CASR: variants seen among roughly 807,000 people sequenced by gnomAD.
The protein encoded by CASR is calcium sensing receptor, also known as extracellular calcium-sensing receptor.
A neutral mutation model predicts 69.1 loss-of-function variants in CASR; 23 were observed. That is an observed-to-expected ratio of 0.33 (90% CI 0.24 to 0.47). The LOEUF is 0.47. Among genes scored for constraint, CASR ranks in the 20% least tolerant of loss-of-function variants. The pLI, the probability that CASR is intolerant of heterozygous loss-of-function variation, is 1.00. For synonymous variants in CASR, 541 were observed against 544.7 expected (o/e 0.99, Z 0.10); for missense variants, 924 against 1,356.1 (o/e 0.68, Z 5.00).
At chr3:122,245,005 A>G (rs942190199) in intron 1 of CASR, among the ~76,000 whole-genome samples, 13 of 152,164 alleles carry the variant, frequency 8.5e-5, no homozygotes, top group African/African-American at 3.1e-4. Context: ...CTGGTTTAAA[A>G]GTAATGTACT....
intron 1 of CASR, among the ~76,000 whole-genome samples, chr3:122,200,811 C>T (rs2073940977): frequency 6.6e-6 from 1 of 152,014 alleles, no homozygotes; most frequent in Non-Finnish European, 1.5e-5. Context: ...TGATTTTACC[C>T]ATTTAAACTT....
intron 1 of CASR, among the ~76,000 whole-genome samples, chr3:122,215,326 C>T (rs769398577): frequency 7.9e-5 from 12 of 152,202 alleles, no homozygotes; most frequent in African/African-American, 2.2e-4. Flanking sequence ...GATGCTTCCA[C>T]GTCGCTCAAG....
At position 122,261,825 on chromosome 3, in the gene CASR, GC is replaced by G; in HGVS notation, c.792del (p.Val266SerfsTer39). On this transcript the variant is annotated frameshift_variant, in exon 4 of 7. Coordinates refer to ENST00000639785, the MANE Select transcript of CASR (RefSeq NM_000388.4). LOFTEE classifies it high-confidence loss of function. ...HVVEVIQNSTAKVIVVFSSGP... is the reference protein window; with the variant it reads ...HVVEVIQNSTXKVIVVFSSGP... ...GGTAGAGGTGATTCAAAATTCCACG[GC>G]CAAAGTCATCGTGGTTTTCTCCAGT... The G allele has an allele frequency of 6.2e-7, 1 of 1,614,210 alleles. No homozygotes were observed. Among genetic ancestry groups the G allele is most frequent in the South Asian group, 1.1e-5 (1 of 91,084 alleles).
chr3:122,204,241 A>G (rs1477064820), intron 1 of CASR, among the ~76,000 whole-genome samples: 1 of 152,040 alleles, frequency 6.6e-6, no homozygotes, highest in African/African-American at 2.4e-5. Context: ...AGTTCTCTTC[A>G]TCCCCCAAGC....
chr3:122,211,247 T>C (rs962165490), intron 1 of CASR, among the ~76,000 whole-genome samples: 1 of 152,126 alleles, frequency 6.6e-6, no homozygotes, highest in Non-Finnish European at 1.5e-5. Context: ...TGGGATCTAA[T>C]TAAACTAAAG....
intron 1 of CASR, among the ~76,000 whole-genome samples, chr3:122,216,248 T>C (rs2074116636): frequency 6.6e-6 from 1 of 152,210 alleles, no homozygotes; most frequent in Admixed American, 6.5e-5. Context: ...GTACTCTCCT[T>C]GGGCTGCACG....
intron 1 of CASR, among the ~76,000 whole-genome samples, chr3:122,230,283 G>T (rs2074266420): frequency 6.6e-6 from 1 of 152,244 alleles, no homozygotes; most frequent in Admixed American, 6.5e-5. Context: ...CGCGGTGAGG[G>T]CCAGAACCCA....
At chr3:122,233,952 C>T (rs999449522) in intron 1 of CASR, among the ~76,000 whole-genome samples, 2 of 152,214 alleles carry the variant, frequency 1.3e-5, no homozygotes, top group African/African-American at 2.4e-5. Flanking sequence ...CTGGTGCCTC[C>T]TGAGTCAGAT....
At chr3:122,208,091 A>C (rs191163932) in intron 1 of CASR, among the ~76,000 whole-genome samples, 211 of 152,278 alleles carry the variant, frequency 1.4e-3, no homozygotes, top group Middle Eastern at 3.4e-3. Flanking sequence ...AAACTTGAAT[A>C]GTTCATGTTA....
chr3:122,213,898 G>A (rs1410234313), intron 1 of CASR, among the ~76,000 whole-genome samples: 2 of 152,156 alleles, frequency 1.3e-5, no homozygotes, highest in Non-Finnish European at 2.9e-5. Context: ...CTGAGAATAG[G>A]TTTCTCATTT....
intron 6 of CASR, 149 bp from the exon 7 acceptor site, chr3:122,283,538 T>C (rs1232985838): frequency 5.7e-6 from 4 of 698,502 alleles, no homozygotes; most frequent in Non-Finnish European, 1.0e-5. Context: ...ATATTTTTGA[T>C]AATGTAAAAA....
intron 4 of CASR, among the ~76,000 whole-genome samples, chr3:122,264,444 A>G (rs1017417663): frequency 1.3e-5 from 2 of 152,222 alleles, no homozygotes; most frequent in African/African-American, 4.8e-5. Flanking sequence ...CCTCCAGACT[A>G]CATAGACTTA....
chr3:122,201,114 G>T (rs1170388547), intron 1 of CASR, among the ~76,000 whole-genome samples: 1 of 150,518 alleles, frequency 6.6e-6, no homozygotes, highest in Non-Finnish European at 1.5e-5. Context: ...AGTGAACAAA[G>T]GTCCCTGGTT....
chr3:122,265,776 A>G (rs978753652), intron 4 of CASR, among the ~76,000 whole-genome samples: 6 of 152,208 alleles, frequency 3.9e-5, no homozygotes, highest in African/African-American at 1.4e-4. Flanking sequence ...ATCATGCACA[A>G]GGTGTGCTTC....
chr3:122,226,630 G>C (rs2074225630), intron 1 of CASR, among the ~76,000 whole-genome samples: 1 of 152,112 alleles, frequency 6.6e-6, no homozygotes, highest in African/African-American at 2.4e-5. Flanking sequence ...AGATGCAAAA[G>C]TTCTCCATGT....
At chr3:122,277,501 A>G (rs1464297633) in intron 5 of CASR, among the ~76,000 whole-genome samples, 1 of 152,170 alleles carries the variant, frequency 6.6e-6, no homozygotes, top group Non-Finnish European at 1.5e-5. Context: ...TAGACAGTGA[A>G]TCTCATCCAC....
intron 4 of CASR, among the ~76,000 whole-genome samples, chr3:122,274,673 A>G (rs888339637): frequency 1.3e-5 from 2 of 152,230 alleles, no homozygotes; most frequent in Admixed American, 1.3e-4. Flanking sequence ...AGGCTGAGGC[A>G]GGATGGTCGA....
At position 122,225,286 on chromosome 3, in the gene CASR, C is replaced by A. The variant is rs2074211394; in HGVS notation, c.-242-28662C>A. 2.6e-5 allele frequency among the ~76,000 whole-genome samples: 4 copies of A among 151,672 alleles called. No homozygotes were observed. In the South Asian group the frequency reaches 6.2e-4, roughly 24 times the overall value. ...ACTATCAACAGAGTAAACAGACAACCTACAGAATAGGACAAAATATTCACA... is the reference window on the plus strand; with the variant it reads ...ACTATCAACAGAGTAAACAGACAACATACAGAATAGGACAAAATATTCACA... On this transcript the variant is annotated intron_variant, in intron 1 of 6. Transcript: ENST00000639785.
chr3:122,252,488 A>G (rs61408499), intron 1 of CASR, among the ~76,000 whole-genome samples: 5 of 94,404 alleles, frequency 5.3e-5, no homozygotes, highest in Admixed American at 4.0e-4. Flanking sequence ...GAGGGAGGGA[A>G]GGAAGGAAGG....
Sources: gnomAD v4.1 joint callset for allele counts (sites outside exome capture counted in the v4.1 genomes callset) on GRCh38, gnomAD v4.1.1 for gene constraint, MANE v1.5 for transcripts, NCBI Gene and HGNC (gene_info 2026-07-23, HGNC 2026-07-21) for gene names.